The following CNTNAP2 variants were observed in gnomAD, a reference collection of about 807,000 sequenced individuals.
The protein encoded by CNTNAP2 is contactin associated protein 2, also known as contactin-associated protein-like 2.
In CNTNAP2, 98 loss-of-function variants were observed where a neutral mutation model predicts 155.2. That is an observed-to-expected ratio of 0.63 (90% CI 0.54 to 0.75). The LOEUF is 0.75. CNTNAP2 is among the 30% of genes least tolerant of loss of function. CNTNAP2 has a pLI of 0.00. For missense variants in CNTNAP2, 1,727 were observed against 1,688.1 expected (o/e 1.02, Z -0.40); for synonymous variants, 651 against 631.2 (o/e 1.03, Z -0.47).
intron 13 of CNTNAP2, among the ~76,000 whole-genome samples, chr7:147,748,576 G>A (rs1469610334): frequency 6.6e-6 from 1 of 152,180 alleles, no homozygotes; most frequent in African/African-American, 2.4e-5. Flanking sequence ...GGATTCACAA[G>A]ATGCCATTAG....
chr7:146,298,214 T>G (rs1368729723), intron 1 of CNTNAP2, among the ~76,000 whole-genome samples: 1 of 152,204 alleles, frequency 6.6e-6, no homozygotes, highest in Admixed American at 6.5e-5. Flanking sequence ...TTTTTTGCTT[T>G]GTTTTGTTTT....
rs201602527 is a variant in CNTNAP2 at position 148,217,539 on chromosome 7, A to C, written c.3247+15A>C. On this transcript the variant is annotated intron_variant, in intron 19 of 23. Transcript: ENST00000361727. ...CAAACCCACTGGTAAGGACAAGGAT[A>C]CCCAGCCTCTGCCATTTAACATTTG... 2 of 1,609,932 alleles carry C rather than the reference A, an allele frequency of 1.2e-6. No homozygotes were observed.
chr7:146,501,293 T>G (rs187026661), intron 1 of CNTNAP2, among the ~76,000 whole-genome samples: 160 of 152,294 alleles, frequency 1.1e-3, no homozygotes, highest in Non-Finnish European at 1.5e-3. Context: ...AGGATTACTG[T>G]TAATTCTTTA....
At chr7:147,343,376 T>C (rs1482489612) in intron 9 of CNTNAP2, among the ~76,000 whole-genome samples, 2 of 152,126 alleles carry the variant, frequency 1.3e-5, no homozygotes, top group East Asian at 1.9e-4. Flanking sequence ...AAATTGGCCA[T>C]TTCCCCCTCG....
chr7:148,267,036 G>T lies in CNTNAP2; in HGVS notation c.3385G>T (p.Asp1129Tyr). ...RHEKTIFLKL[D>Y]HYPSVSYHLP... is the part of the protein sequence containing the mutation. ...GTCTCTTGTTTTCCTCCTGCAGCTC[G>T]ATCATTATCCTTCTGTGAGTTACCA... Residue 1129 changes from aspartate (D) to tyrosine (Y), a missense_variant, in exon 21 of 24, where the codon GAT becomes TAT. Asp to Tyr is a radical substitution (Grantham distance 160). Transcript: ENST00000361727. 6.2e-7 allele frequency: 1 copy of T among 1,614,060 alleles called. No homozygotes were observed. Among genetic ancestry groups the T allele is most frequent in the Middle Eastern group, 1.6e-4 (1 of 6,062 alleles).
At chr7:146,359,693 A>G (rs1795054089) in intron 1 of CNTNAP2, among the ~76,000 whole-genome samples, 1 of 152,208 alleles carries the variant, frequency 6.6e-6, no homozygotes, top group East Asian at 1.9e-4. Flanking sequence ...GTTAATATTA[A>G]TCTTATTATA....
At chr7:148,102,046 G>C (rs555983759) in intron 15 of CNTNAP2, among the ~76,000 whole-genome samples, 15 of 152,188 alleles carry the variant, frequency 9.9e-5, no homozygotes, top group Non-Finnish European at 1.8e-4. Context: ...TCGTGTGACG[G>C]GGGGTTGTTG....
At chr7:147,610,659 A>T (rs1477267287) in intron 12 of CNTNAP2, among the ~76,000 whole-genome samples, 2 of 151,988 alleles carry the variant, frequency 1.3e-5, no homozygotes, top group African/African-American at 4.8e-5. Context: ...AGCCCAGGGG[A>T]GTTTTAGGGG....
chr7:148,074,953 T>C (rs1803457051), intron 15 of CNTNAP2, among the ~76,000 whole-genome samples: 1 of 152,234 alleles, frequency 6.6e-6, no homozygotes, highest in Admixed American at 6.5e-5. Flanking sequence ...CTTTAGATTA[T>C]AATTTTATCA....
At chr7:147,102,580 T>C (rs10227924) in intron 4 of CNTNAP2, among the ~76,000 whole-genome samples, 9,286 of 152,216 alleles carry the variant, frequency 0.061, 476 homozygotes, top group African/African-American at 0.14. Flanking sequence ...AACTGTGAGA[T>C]GCTGGCCTTC....
chr7:147,106,453 C>G (rs1007442556), intron 4 of CNTNAP2, among the ~76,000 whole-genome samples: 16 of 151,644 alleles, frequency 1.1e-4, no homozygotes, highest in African/African-American at 3.4e-4. Context: ...TTGATTTTTT[C>G]CCTCATATTA....
chr7:147,284,207 T>C (rs1052083710), intron 8 of CNTNAP2, among the ~76,000 whole-genome samples: 2 of 151,830 alleles, frequency 1.3e-5, no homozygotes, highest in Non-Finnish European at 2.9e-5. Flanking sequence ...GTCTTTCTAT[T>C]CCTCTCTATG....
intron 21 of CNTNAP2, among the ~76,000 whole-genome samples, chr7:148,268,481 G>A (rs1796714756): frequency 2.6e-5 from 4 of 151,872 alleles, no homozygotes; most frequent in Admixed American, 1.3e-4. Context: ...GTGAAACCCC[G>A]TCTCTACAAA....
At chr7:147,716,758 G>T (rs75560221) in intron 13 of CNTNAP2, among the ~76,000 whole-genome samples, 4,284 of 152,224 alleles carry the variant, frequency 0.028, 87 homozygotes, top group Middle Eastern at 0.11. Flanking sequence ...TGTTAGAAGG[G>T]AAGTTCTGCC....
intron 1 of CNTNAP2, among the ~76,000 whole-genome samples, chr7:146,211,455 A>T (rs909374293): frequency 6.6e-6 from 1 of 152,166 alleles, no homozygotes; most frequent in African/African-American, 2.4e-5. Context: ...AGGTGACATT[A>T]TTCTTTTAAT....
At position 146,778,559 on chromosome 7, in the gene CNTNAP2, A is replaced by G. The variant is rs372674048; in HGVS notation, c.208+4178A>G. Among the ~76,000 whole-genome samples, 109 of 152,310 alleles carry G rather than the reference A, an allele frequency of 7.2e-4. 1 individual carries two copies. Among genetic ancestry groups the G allele is most frequent in the South Asian group, 6.6e-3 (32 of 4,822 alleles). On this transcript the variant is annotated intron_variant, in intron 2 of 23. Coordinates refer to ENST00000361727, the MANE Select transcript of CNTNAP2 (RefSeq NM_014141.6). ...ATTTTTAATCCATCGAAGGCTTCCC[A>G]GTCTTGTGTCATTCTGAGTTAGTAG...
intron 21 of CNTNAP2, among the ~76,000 whole-genome samples, chr7:148,296,132 T>C (rs1053582060): frequency 2.0e-5 from 3 of 152,174 alleles, no homozygotes; most frequent in African/African-American, 7.2e-5. Flanking sequence ...TCTTTTTAGA[T>C]TGCAAGACAG....
intron 8 of CNTNAP2, among the ~76,000 whole-genome samples, chr7:147,138,851 T>A (rs1408415539): frequency 6.6e-6 from 1 of 152,024 alleles, no homozygotes; most frequent in Non-Finnish European, 1.5e-5. Context: ...AATAATTTTT[T>A]AAAATTCCAA....
intron 1 of CNTNAP2, among the ~76,000 whole-genome samples, chr7:146,541,376 T>G (rs1276220137): frequency 6.6e-6 from 1 of 152,034 alleles, no homozygotes; most frequent in Non-Finnish European, 1.5e-5. Context: ...GGTCTATGGA[T>G]TTAACACTCT....
Sources: gnomAD v4.1 joint callset for allele counts (sites outside exome capture counted in the v4.1 genomes callset) on GRCh38, gnomAD v4.1.1 for gene constraint, MANE v1.5 for transcripts, NCBI Gene and HGNC (gene_info 2026-07-23, HGNC 2026-07-21) for gene names.